The following CEP152 variants were observed in gnomAD, a reference collection of about 807,000 sequenced individuals.
CEP152 encodes the protein centrosomal protein of 152 kDa.
In CEP152, 132 loss-of-function variants were observed where a neutral mutation model predicts 188.9. The ratio of observed to expected loss-of-function variants is 0.70; its 90% CI spans 0.61 to 0.81. The LOEUF is 0.81. CEP152 is among the 30% of genes least tolerant of loss of function. The pLI is 0.00. For missense variants in CEP152, 1,914 were observed against 1,969.8 expected (o/e 0.97, Z 0.54); for synonymous variants, 649 against 666.6 (o/e 0.97, Z 0.41).
Position 48,756,234 on chromosome 15 carries a change from T to A in CEP152, c.3014A>T (p.Lys1005Ile), listed in dbSNP as rs587783422. 1.3e-5 allele frequency: 21 copies of A among 1,610,414 alleles called. No homozygotes were observed. The highest frequency in any genetic ancestry group is 1.8e-5 in the Non-Finnish European group (21 of 1,177,888). The change falls in exon 20 of 27, where the codon AAA (lysine) becomes ATA (isoleucine). Residue 1005 changes from lysine to isoleucine, a missense_variant. Physicochemically the swap from Lys to Ile is moderately radical, Grantham distance 102 (BLOSUM62 -3). Coordinates refer to ENST00000380950, the MANE Select transcript of CEP152 (RefSeq NM_001194998.2). Reference sequence around the variant, plus strand: ...CTCCTTCTGAAGAAGTAGTTCAGTTTTTTGTTTCATAAAGTCTTCTTTAGC... The same window carrying A: ...CTCCTTCTGAAGAAGTAGTTCAGTTATTTGTTTCATAAAGTCTTCTTTAGC... ...AAAKEDFMKQKTELLLQKETE... is the reference protein window; with the variant it reads ...AAAKEDFMKQITELLLQKETE...
At chr15:48,773,884 A>C (rs935657019) in intron 12 of CEP152, among the ~76,000 whole-genome samples, 1 of 152,220 alleles carries the variant, frequency 6.6e-6, no homozygotes, top group African/African-American at 2.4e-5. Context: ...TCTAGCATTC[A>C]ATCAAAATTT....
chr15:48,740,387 TA>T (rs1181418445), intron 26 of CEP152: 3 of 152,082 alleles, frequency 2.0e-5, no homozygotes, highest in Non-Finnish European at 4.4e-5. Context: ...TCCACATTTT[TA>T]AAAACCCTAT....
At position 48,788,484 on chromosome 15, in the gene CEP152, C is replaced by A. The variant is rs565344275; in HGVS notation, c.1173+317G>T. Among the ~76,000 whole-genome samples the A allele has an allele frequency of 1.6e-4, 25 of 151,970 alleles. No homozygotes were observed. In the South Asian group the frequency reaches 5.2e-3, roughly 32 times the overall value. ...GAGTAGCTGGGATTACAGGCACGCA[C>A]CACTGCGCCCGGCTAATTTTTTTTT... On this transcript the variant is annotated intron_variant, in intron 9 of 26. Transcript: ENST00000380950.
chr15:48,752,231 A>T, intron 21 of CEP152, 118 bp downstream of exon 21: 1 of 1,545,780 alleles, frequency 6.5e-7, no homozygotes, highest in Non-Finnish European at 8.9e-7. Flanking sequence ...AGGGGACATT[A>T]AGTCAGACGA....
chr15:48,772,472 A>G lies in CEP152; in HGVS notation c.1782+15T>C. On this transcript the variant is annotated intron_variant, in intron 13 of 26. Coordinates refer to ENST00000380950, the MANE Select transcript of CEP152 (RefSeq NM_001194998.2). ...CTTTTAAAAATGGTTTTTTAACTCT[A>G]TAGGCTTTACATACCTCAACCTCAA... 1 of 1,605,404 alleles carries G rather than the reference A, an allele frequency of 6.2e-7. No individual in the cohort carries two copies. The highest frequency in any genetic ancestry group is 8.5e-7 in the Non-Finnish European group (1 of 1,176,454).
At chr15:48,803,912 C>A (rs934901587) in intron 2 of CEP152, among the ~76,000 whole-genome samples, 2 of 152,240 alleles carry the variant, frequency 1.3e-5, no homozygotes, top group African/African-American at 4.8e-5. Flanking sequence ...CAAGCCCAGT[C>A]ATGAATACCT....
intron 26 of CEP152, among the ~76,000 whole-genome samples, chr15:48,739,781 T>G (rs1892826373): frequency 6.6e-6 from 1 of 152,224 alleles, no homozygotes; most frequent in East Asian, 1.9e-4. Flanking sequence ...AGCAGCCACA[T>G]AGCATGAAAT....
intron 24 of CEP152, among the ~76,000 whole-genome samples, chr15:48,743,644 C>G (rs1311309737): frequency 6.6e-6 from 1 of 152,114 alleles, no homozygotes; most frequent in Non-Finnish European, 1.5e-5. Flanking sequence ...GGGTGGATCA[C>G]CTGAGGTCAG....
At chr15:48,806,294 C>T (rs187252481) in intron 1 of CEP152, among the ~76,000 whole-genome samples, 9 of 147,624 alleles carry the variant, frequency 6.1e-5, no homozygotes, top group Non-Finnish European at 1.2e-4. Flanking sequence ...ACTTCCAATT[C>T]CAAAAGCAAC....
chr15:48,758,247 C>G (rs1894416899), intron 19 of CEP152, among the ~76,000 whole-genome samples: 1 of 152,238 alleles, frequency 6.6e-6, no homozygotes, highest in African/African-American at 2.4e-5. Context: ...ACTAATCACT[C>G]TAATCTTAAA....
At chr15:48,763,538 G>A (rs1894848036) in intron 17 of CEP152, among the ~76,000 whole-genome samples, 1 of 152,114 alleles carries the variant, frequency 6.6e-6, no homozygotes, top group South Asian at 2.1e-4. Context: ...GCTGGGTGTG[G>A]TGGCGCTTGC....
chr15:48,735,052 A>G (rs949854503), downstream of CEP152, among the ~76,000 whole-genome samples: 3 of 152,240 alleles, frequency 2.0e-5, no homozygotes, highest in Non-Finnish European at 4.4e-5. Context: ...ATCCAAAAAG[A>G]GCAGAATATA....
intron 20 of CEP152, among the ~76,000 whole-genome samples, chr15:48,754,944 T>TAATATTGTGG (rs1894148936): frequency 6.6e-6 from 1 of 152,060 alleles, no homozygotes; most frequent in Non-Finnish European, 1.5e-5. Flanking sequence ...GCCTTGAAAC[T>TAATATTGTGG]CCTTAATCAC....
rs965247227 is a variant in CEP152 at position 48,811,038 on chromosome 15, T to A, written c.-85A>T. On this transcript the variant is annotated 5_prime_UTR_variant, in exon 1 of 27. Transcript: ENST00000380950. ...CAACTTCTAGCAGATCCCCTTACCCTGGCTCTAGTCCACTAGCTCCTTCCT... is the reference window on the plus strand; with the variant it reads ...CAACTTCTAGCAGATCCCCTTACCCAGGCTCTAGTCCACTAGCTCCTTCCT... 6.6e-6 allele frequency: 1 copy of A among 152,362 alleles called. No homozygotes were observed. The highest frequency in any genetic ancestry group is 1.5e-5 in the Non-Finnish European group (1 of 68,152). 9.4% of individuals were successfully genotyped at this position (152,362 alleles called of 1,614,324 possible). A position where few individuals can be genotyped will look rare whatever the true frequency, so the allele number is the denominator to read the frequency against.
At position 48,797,458 on chromosome 15, in the gene CEP152, C is replaced by T. The variant is rs775170530; in HGVS notation, c.383G>A (p.Gly128Asp). The change falls in exon 5 of 27, where the codon GGT becomes GAT. Residue 128 changes from glycine (G) to aspartate (D), a missense_variant. By Grantham distance (94) the Gly-to-Asp change is moderately conservative. Transcript: ENST00000380950. The stretch of plus-strand genomic sequence containing the variant: ...ACTTGGAGGACTATAACCACTTCCA[C>T]CTTCATCTCCACCTTCTTCAGGATG... The part of the protein sequence containing the change: ...VYHPEEGGDE[G>D]GSGYSPPSKC... 1.1e-5 allele frequency: 18 copies of T among 1,614,062 alleles called. No homozygotes were observed. In the South Asian group the frequency reaches 1.6e-4, roughly 15 times the overall value.
At position 48,796,108 on chromosome 15, in the gene CEP152, T is replaced by C. The variant is rs995122251; in HGVS notation, c.593A>G (p.Tyr198Cys). The C allele has an allele frequency of 3.7e-6, 6 of 1,613,828 alleles. No homozygotes were observed. The African/African-American group carries it at 4.0e-5, about 11-fold the overall frequency. Residue 198 changes from tyrosine to cysteine, a missense_variant, in exon 6 of 27, where the codon TAT becomes TGT. By Grantham distance (194) the Tyr-to-Cys change is radical. Transcript: ENST00000380950. ...GCCATTATTCTGGGCAGAAGACTGA[T>C]AAGGTTTATATGTCACTTTATTATA... ...EPYNKVTYKP[Y>C]QSSAQNNGSP... is the part of the protein sequence containing the mutation.
chr15:48,740,909 T>A, intron 26 of CEP152: 1 of 419,312 alleles, frequency 2.4e-6, no homozygotes, highest in Non-Finnish European at 3.2e-6. Flanking sequence ...CCCCACCTGG[T>A]TGCTGTTGGT....
intron 14 of CEP152, 59 bp from the exon 15 acceptor site, chr15:48,768,387 G>T: frequency 4.4e-6 from 4 of 904,072 alleles, no homozygotes; most frequent in South Asian, 1.4e-5. Flanking sequence ...TTCACTGATT[G>T]ATTTTGTCTT....
chr15:48,751,830 T>A (rs943062239), intron 21 of CEP152, among the ~76,000 whole-genome samples: 1 of 152,216 alleles, frequency 6.6e-6, no homozygotes, highest in Non-Finnish European at 1.5e-5. Flanking sequence ...AGAATTCTTT[T>A]GTCATGATGA....
Sources: gnomAD v4.1 joint callset for allele counts (sites outside exome capture counted in the v4.1 genomes callset) on GRCh38, gnomAD v4.1.1 for gene constraint, MANE v1.5 for transcripts, NCBI Gene and HGNC (gene_info 2026-07-23, HGNC 2026-07-21) for gene names.